Variants in ASPH observed in about 807,000 individuals in gnomAD.
ASPH encodes aspartate beta-hydroxylase, also known as aspartyl/asparaginyl beta-hydroxylase.
In ASPH, 100 loss-of-function variants were observed where a neutral mutation model predicts 118.4. The observed-to-expected ratio is 0.84, with a 90% CI of 0.72 to 1.00. The LOEUF is 1.00. Ranked by LOEUF, ASPH falls within the 50% of genes least tolerant of loss-of-function variation. The pLI is 0.00. For synonymous variants in ASPH, 315 were observed against 325.6 expected, an observed-to-expected ratio of 0.97 and a Z score of 0.35; for missense variants, 920 against 919.5, an observed-to-expected ratio of 1.00 and a Z score of -0.01.
At chr8:61,573,522 A>G (rs1834111189) in intron 16 of ASPH, among the ~76,000 whole-genome samples, 1 of 152,308 alleles carries the variant, frequency 6.6e-6, no homozygotes, top group Middle Eastern at 3.4e-3. Flanking sequence ...AGATATATAG[A>G]CCAATGGAAC....
At chr8:61,679,637 C>T (rs1230035227) in intron 3 of ASPH, among the ~76,000 whole-genome samples, 1 of 151,592 alleles carries the variant, frequency 6.6e-6, no homozygotes, top group Non-Finnish European at 1.5e-5. Flanking sequence ...GAACTTGGCC[C>T]ACATTTTATT....
At chr8:61,514,672 G>A (rs1056578028) in intron 24 of ASPH, among the ~76,000 whole-genome samples, 9 of 152,060 alleles carry the variant, frequency 5.9e-5, no homozygotes, top group African/African-American at 2.2e-4. Context: ...TCGCCCCATT[G>A]TACTCCAGCC....
intron 14 of ASPH, among the ~76,000 whole-genome samples, chr8:61,587,288 T>C (rs531455325): frequency 3.3e-5 from 5 of 152,332 alleles, no homozygotes; most frequent in East Asian, 3.9e-4. Flanking sequence ...TATATGCTGA[T>C]ATGGAAAATG....
intron 21 of ASPH, among the ~76,000 whole-genome samples, chr8:61,534,236 C>T (rs1353000576): frequency 6.6e-6 from 1 of 152,178 alleles, no homozygotes; most frequent in Non-Finnish European, 1.5e-5. Context: ...CGTGAGCCAC[C>T]ATGCCCAGCC....
intron 21 of ASPH, among the ~76,000 whole-genome samples, chr8:61,543,965 G>A (rs1257764389): frequency 6.6e-6 from 1 of 152,100 alleles, no homozygotes; most frequent in East Asian, 1.9e-4. Context: ...TTGCAAGTGA[G>A]GACAAATAAC....
chr8:61,631,233 GC>G (rs1855454812), intron 13 of ASPH, among the ~76,000 whole-genome samples: 1 of 152,022 alleles, frequency 6.6e-6, no homozygotes, highest in African/African-American at 2.4e-5. Context: ...ATTTACTGTA[GC>G]CCAAGTGTAC....
chr8:61,540,162 G>A (rs1272670642), intron 21 of ASPH, among the ~76,000 whole-genome samples: 2 of 152,132 alleles, frequency 1.3e-5, no homozygotes. Flanking sequence ...CCTAGTGCTA[G>A]AGCTGCCAAA....
intron 3 of ASPH, chr8:61,663,882 TAC>T (rs1228892777): frequency 1.1e-6 from 1 of 945,456 alleles, no homozygotes; most frequent in East Asian, 1.2e-4. Context: ...AGGTGTACAA[TAC>T]ATTTAGAAAT....
At chr8:61,545,140 G>C (rs896581457) in intron 21 of ASPH, among the ~76,000 whole-genome samples, 7 of 152,180 alleles carry the variant, frequency 4.6e-5, no homozygotes, top group South Asian at 2.1e-4. Context: ...AAATTCATAT[G>C]TTGAAATCTA....
chr8:61,561,855 G>T (rs1210258711), intron 18 of ASPH, among the ~76,000 whole-genome samples: 2 of 152,176 alleles, frequency 1.3e-5, no homozygotes, highest in African/African-American at 4.8e-5. Flanking sequence ...TTGAGTCCGG[G>T]ACATGGATGT....
At chr8:61,654,360 T>G (rs1812577843) in intron 3 of ASPH, among the ~76,000 whole-genome samples, 1 of 152,206 alleles carries the variant, frequency 6.6e-6, no homozygotes, top group Non-Finnish European at 1.5e-5. Context: ...AACATTAAAA[T>G]AGGTCCTCAA....
chr8:61,516,448 AGGGCAGTTATCT>A (rs1438922460), intron 24 of ASPH, among the ~76,000 whole-genome samples: 1 of 152,146 alleles, frequency 6.6e-6, no homozygotes, highest in Non-Finnish European at 1.5e-5. Flanking sequence ...TGGGCTGCCC[AGGGCAGTTATCT>A]GCCAATAATC....
chr8:61,644,034 C>A (rs928223711), intron 7 of ASPH, 33 bp from the exon 8 acceptor site: 1 of 1,499,666 alleles, frequency 6.7e-7, no homozygotes, highest in African/African-American at 1.4e-5. Flanking sequence ...GAAATTACGT[C>A]TCAAATAAGG....
intron 12 of ASPH, among the ~76,000 whole-genome samples, chr8:61,634,945 T>C (rs935980897): frequency 6.6e-6 from 1 of 152,346 alleles, no homozygotes; most frequent in African/African-American, 2.4e-5. Flanking sequence ...ATGAAATTTC[T>C]TCTGGTATAT....
At chr8:61,591,315 C>T (rs1841054474) in intron 14 of ASPH, among the ~76,000 whole-genome samples, 3 of 151,782 alleles carry the variant, frequency 2.0e-5, no homozygotes, top group Non-Finnish European at 4.4e-5. Context: ...TAGAAAATTA[C>T]CTGAGAGTTG....
intron 14 of ASPH, among the ~76,000 whole-genome samples, chr8:61,593,818 C>T (rs1322289009): frequency 6.6e-6 from 1 of 152,214 alleles, no homozygotes; most frequent in East Asian, 1.9e-4. Context: ...GCCTCACCAA[C>T]AGCAGTGCCA....
chr8:61,632,805 A>C, intron 13 of ASPH: 1 of 202,614 alleles, frequency 4.9e-6, no homozygotes, highest in South Asian at 6.7e-5. Context: ...TTAGTATTTA[A>C]TAAATTTTGG....
chr8:61,579,571 C>T, intron 15 of ASPH: 1 of 1,520,250 alleles, frequency 6.6e-7, no homozygotes, highest in Non-Finnish European at 9.0e-7. Context: ...GGCTCCAGCT[C>T]CCTCAGCCGC....
chr8:61,599,519 C>T (rs1843366693), intron 14 of ASPH, among the ~76,000 whole-genome samples: 1 of 144,446 alleles, frequency 6.9e-6, no homozygotes, highest in Non-Finnish European at 1.5e-5. Context: ...TGATAAAATA[C>T]TAGCTAGAAT....
Sources: allele counts gnomAD v4.1 joint callset (sites outside exome capture counted in the v4.1 genomes callset), GRCh38; gene constraint gnomAD v4.1.1; transcripts MANE v1.5; gene names NCBI Gene and HGNC (gene_info 2026-07-23, HGNC 2026-07-21).